The following CDH9 variants were observed in gnomAD, a reference collection of about 807,000 sequenced individuals.
CDH9 encodes the protein cadherin 9, also known as cadherin-9.
CDH9 carries 28 observed loss-of-function variants against 70.9 expected under a neutral mutation model. The ratio of observed to expected loss-of-function variants is 0.40; its 90% CI spans 0.29 to 0.54. The LOEUF (loss-of-function observed/expected upper bound fraction) is 0.54, where lower values mean the gene tolerates loss of function less well. Ranked by LOEUF, CDH9 falls within the 20% of genes least tolerant of loss-of-function variation. CDH9 has a pLI of 0.59. For missense variants in CDH9, 874 were observed against 984.4 expected, an observed-to-expected ratio of 0.89 and a Z score of 1.50; for synonymous variants, 409 against 343.1, an observed-to-expected ratio of 1.19 and a Z score of -2.12.
chr5:26,947,088 G>T (rs934205618), intron 2 of CDH9, among the ~76,000 whole-genome samples: 3 of 152,012 alleles, frequency 2.0e-5, no homozygotes, highest in Non-Finnish European at 4.4e-5. Context: ...TTTTTCACAG[G>T]AGTGTTTGAC....
At chr5:26,906,220 A>C in intron 4 of CDH9, 94 bp from the exon 5 acceptor site, 1 of 1,000,578 alleles carries the variant, frequency 1.0e-6, no homozygotes, top group African/African-American at 1.6e-5. Context: ...TGATTATAAC[A>C]AACATAAAAT....
chr5:26,933,408 G>T (rs748991194), intron 2 of CDH9, among the ~76,000 whole-genome samples: 1 of 151,762 alleles, frequency 6.6e-6, no homozygotes, highest in Middle Eastern at 3.4e-3. Flanking sequence ...GACAATGAGA[G>T]ATCATAAAAG....
rs1293797799 is a variant in CDH9, at chr5:26,923,090, A to AC, written c.229-7167_229-7166insG. 4.7e-3 allele frequency among the ~76,000 whole-genome samples: 419 copies of AC among 88,652 alleles called. 1 individual carries two copies. Among genetic ancestry groups the AC allele is most frequent in the African/African-American group, 9.9e-3 (254 of 25,684 alleles). The allele number at this position is 88,652 out of a possible 152,430, so 58.2% of individuals were successfully genotyped here. A position where few individuals can be genotyped will look rare whatever the true frequency, so the allele number is the denominator to read the frequency against. Reference sequence around the variant, plus strand: ...GAATTAAAAAAAAAAAAAAAAACACAAAAAAAAAACAAGACCCAACAATCT... The same window carrying AC: ...GAATTAAAAAAAAAAAAAAAAACACACAAAAAAAAACAAGACCCAACAATCT... On this transcript the variant is annotated intron_variant, in intron 2 of 11. Transcript: ENST00000231021.
At chr5:26,894,980 C>T (rs534904635) in intron 7 of CDH9, among the ~76,000 whole-genome samples, 3 of 152,128 alleles carry the variant, frequency 2.0e-5, no homozygotes, top group Admixed American at 6.5e-5. Context: ...TTTTTATGTT[C>T]TACCATTAAA....
At chr5:26,883,040 CTTATATATATATATATATAT>C (rs70939781) in intron 11 of CDH9, among the ~76,000 whole-genome samples, 1,485 of 28,364 alleles carry the variant, frequency 0.052, 23 homozygotes, top group Admixed American at 0.14. Context: ...TCAGGATCAT[CTTATATATATATATATATAT>C]ATATATATAT....
intron 6 of CDH9, chr5:26,903,226 T>A (rs1216494179): frequency 3.2e-6 from 1 of 312,184 alleles, no homozygotes; most frequent in African/African-American, 2.3e-5. Context: ...TTCTCCCACA[T>A]TGCATTGAAA....
At chr5:26,885,914 A>T in intron 10 of CDH9, 49 bp from the exon 11 acceptor site, 2 of 1,600,874 alleles carry the variant, frequency 1.2e-6, no homozygotes, top group East Asian at 4.5e-5. Context: ...ATTTGTTTTT[A>T]ACTGTGTATC....
chr5:27,024,053 AAAATAAAT>A (rs553191369), intron 1 of CDH9, among the ~76,000 whole-genome samples: 4 of 151,874 alleles, frequency 2.6e-5, no homozygotes, highest in Non-Finnish European at 4.4e-5. Flanking sequence ...CTCTGTCTCA[AAAATAAAT>A]AAATAAATAA....
chr5:26,891,763 G>T (rs1034178422), intron 7 of CDH9, among the ~76,000 whole-genome samples: 1 of 152,082 alleles, frequency 6.6e-6, no homozygotes, highest in Non-Finnish European at 1.5e-5. Flanking sequence ...AAAGAGAAGA[G>T]ATTTGAAGAC....
At chr5:26,989,868 C>T (rs1291998265) in intron 1 of CDH9, among the ~76,000 whole-genome samples, 3 of 152,060 alleles carry the variant, frequency 2.0e-5, no homozygotes, top group African/African-American at 4.8e-5. Context: ...TTCATTAATA[C>T]CTGACCCACA....
intron 2 of CDH9, among the ~76,000 whole-genome samples, chr5:26,935,030 T>C (rs1741534889): frequency 1.3e-5 from 2 of 151,824 alleles, no homozygotes; most frequent in Admixed American, 1.3e-4. Context: ...ATACAAATAA[T>C]TACAACATGA....
Position 26,885,663 on chromosome 5 carries a change from C to G in CDH9, c.1833G>C (p.Leu611=). ...GAATCGCAACGAGAGCTCCCGTGCTCAGGCCGGCTGAAAGGATCAGGGCTT... is the reference window on the plus strand; with the variant it reads ...GAATCGCAACGAGAGCTCCCGTGCTGAGGCCGGCTGAAAGGATCAGGGCTT... ...TAEALILSAG[L]STGALVAILL... Residue 611 remains leucine, a synonymous_variant, in exon 11 of 12, where the codon CTG becomes CTC. Transcript: ENST00000231021. The G allele has an allele frequency of 6.2e-7, 1 of 1,613,768 alleles. No individual in the cohort carries two copies. The highest frequency in any genetic ancestry group is 8.5e-7 in the Non-Finnish European group (1 of 1,179,874).
At chr5:26,897,675 A>G (rs186342796) in intron 7 of CDH9, among the ~76,000 whole-genome samples, 1 of 146,048 alleles carries the variant, frequency 6.8e-6, no homozygotes, top group East Asian at 1.9e-4. Flanking sequence ...ATCTCAAAAT[A>G]GTAAGAGTTA....
intron 2 of CDH9, among the ~76,000 whole-genome samples, chr5:26,986,608 C>T (rs1232851785): frequency 6.6e-6 from 1 of 152,102 alleles, no homozygotes; most frequent in African/African-American, 2.4e-5. Flanking sequence ...ACTCTTTTAT[C>T]TGTGGCTATT....
chr5:26,997,920 G>A (rs1013698079), intron 1 of CDH9, among the ~76,000 whole-genome samples: 15 of 152,066 alleles, frequency 9.9e-5, no homozygotes, highest in African/African-American at 3.6e-4. Flanking sequence ...GGATGGTCTC[G>A]ATCTCTTGAC....
chr5:26,880,942 T>C lies in CDH9; in HGVS notation c.*194A>G, dbSNP rs1043453993. ...GCAAAGAGGGTGAACTGGTTATTACTTTTTTAAAAATCTGTATCATTCGTA... is the reference window on the plus strand; with the variant it reads ...GCAAAGAGGGTGAACTGGTTATTACCTTTTTAAAAATCTGTATCATTCGTA... On this transcript the variant is annotated 3_prime_UTR_variant, in exon 12 of 12. Transcript: ENST00000231021. 4.4e-5 allele frequency: 20 copies of C among 450,942 alleles called. No homozygotes were observed. The highest frequency in any genetic ancestry group is 5.3e-4 in the Middle Eastern group (1 of 1,904). 27.9% of individuals were successfully genotyped at this position (450,942 alleles called of 1,614,324 possible). A position where few individuals can be genotyped will look rare whatever the true frequency, so the allele number is the denominator to read the frequency against.
chr5:26,933,278 T>C (rs1741496072), intron 2 of CDH9, among the ~76,000 whole-genome samples: 1 of 151,298 alleles, frequency 6.6e-6, no homozygotes, highest in African/African-American at 2.4e-5. Flanking sequence ...AAACCTGAGG[T>C]AAATTCAGCA....
chr5:26,929,527 G>A (rs2112022056), intron 2 of CDH9, among the ~76,000 whole-genome samples: 1 of 152,164 alleles, frequency 6.6e-6, no homozygotes, highest in African/African-American at 2.4e-5. Flanking sequence ...GTGTTGAAGA[G>A]ACATCTGCAC....
chr5:26,912,004 G>A (rs905893560), intron 3 of CDH9, among the ~76,000 whole-genome samples: 2 of 151,936 alleles, frequency 1.3e-5, no homozygotes, highest in Admixed American at 1.3e-4. Context: ...ATGGAAATAA[G>A]GGGCAGATAA....
Sources: gnomAD v4.1 joint callset for allele counts (sites outside exome capture counted in the v4.1 genomes callset) on GRCh38, gnomAD v4.1.1 for gene constraint, MANE v1.5 for transcripts, NCBI Gene and HGNC (gene_info 2026-07-23, HGNC 2026-07-21) for gene names.